The following FRRS1 variants were observed in gnomAD, a reference collection of about 807,000 sequenced individuals.
FRRS1 encodes the protein ferric chelate reductase 1.
A neutral mutation model predicts 70.7 loss-of-function variants in FRRS1; 51 were observed. The ratio of observed to expected loss-of-function variants is 0.72; its 90% CI spans 0.58 to 0.91. The LOEUF (loss-of-function observed/expected upper bound fraction) is 0.91. FRRS1 is among the 40% of genes least tolerant of loss of function. FRRS1 has a pLI of 0.00. For synonymous variants in FRRS1, 225 were observed against 238.7 expected, an observed-to-expected ratio of 0.94 and a Z score of 0.53; for missense variants, 672 against 726.0, an observed-to-expected ratio of 0.93 and a Z score of 0.86.
At chr1:99,730,660 G>A (rs1404913056) in intron 7 of FRRS1, among the ~76,000 whole-genome samples, 1 of 152,148 alleles carries the variant, frequency 6.6e-6, no homozygotes, top group Non-Finnish European at 1.5e-5. Context: ...GAGGTCAGGA[G>A]ATCCAGACCA....
rs1656435458 is a variant in FRRS1, at chr1:99,749,005, A to AAGTGTAATAAGG, written c.-105-5_-105-4insCCTTATTACACT. On this transcript the variant is annotated splice_polypyrimidine_tract_variant and splice_region_variant and intron_variant, in intron 1 of 16. Transcript: ENST00000646001. ...ATTTAATCCTCCACTTCCTTACCTG[A>AAGTGTAATAAGG]AAAATAAGGAAACAAAGATCTCTTT... 5 of 356,994 alleles carry AAGTGTAATAAGG rather than the reference A, an allele frequency of 1.4e-5. No homozygotes were observed. Among genetic ancestry groups the AAGTGTAATAAGG allele is most frequent in the Non-Finnish European group, 2.5e-5 (5 of 199,620 alleles). The allele number at this position is 356,994 out of a possible 1,614,324, so 22.1% of individuals were successfully genotyped here.
Position 99,708,220 on chromosome 1 carries a change from TTCTAAATAA to T in FRRS1, c.*799_*807del, listed in dbSNP as rs1654084314. Among the ~76,000 whole-genome samples the T allele has an allele frequency of 6.6e-6, 1 of 152,212 alleles. No individual in the cohort carries two copies. Among genetic ancestry groups the T allele is most frequent in the African/African-American group, 2.4e-5 (1 of 41,444 alleles). ...CCAAAAAACTAAACTGAAAAACAGT[TTCTAAATAA>T]AGTCCACAGACCATTCAGATAAACT... is the stretch of plus-strand genomic sequence containing the variant. On this transcript the variant is annotated 3_prime_UTR_variant, in exon 17 of 17. Transcript: ENST00000646001.
chr1:99,716,962 CA>C (rs1245055793), intron 11 of FRRS1, among the ~76,000 whole-genome samples: 1 of 152,188 alleles, frequency 6.6e-6, no homozygotes, highest in Non-Finnish European at 1.5e-5. Context: ...GTTAATCTAA[CA>C]TTCAATGGCC....
chr1:99,760,781 C>G (rs1485991720), intron 1 of FRRS1, among the ~76,000 whole-genome samples: 1 of 152,104 alleles, frequency 6.6e-6, no homozygotes, highest in Non-Finnish European at 1.5e-5. Context: ...TCCCAAGTAG[C>G]TGGGATTACA....
Position 99,738,282 on chromosome 1 carries a change from A to T in FRRS1, c.577-14T>A, listed in dbSNP as rs753444005. 9 of 1,555,746 alleles carry T rather than the reference A, an allele frequency of 5.8e-6. No homozygotes were observed. In the East Asian group the frequency reaches 2.1e-4, roughly 36 times the overall value. ...TGAGGCACTGAACTAGAAAAATGAC[A>T]GAGGAAAAAAAAATCTTAATTATCA... is the stretch of plus-strand genomic sequence containing the variant. On this transcript the variant is annotated splice_polypyrimidine_tract_variant and intron_variant, in intron 6 of 16. Transcript: ENST00000646001.
intron 10 of FRRS1, among the ~76,000 whole-genome samples, chr1:99,719,273 G>A (rs1654684723): frequency 6.6e-6 from 1 of 152,074 alleles, no homozygotes; most frequent in Non-Finnish European, 1.5e-5. Flanking sequence ...GCTGGGTGCA[G>A]TGGCAGGCTC....
intron 9 of FRRS1, among the ~76,000 whole-genome samples, chr1:99,720,638 C>T (rs1654767209): frequency 6.6e-6 from 1 of 151,806 alleles, no homozygotes; most frequent in South Asian, 2.1e-4. Context: ...CATTGAAAAG[C>T]TAGGGGGAAA....
intron 9 of FRRS1, among the ~76,000 whole-genome samples, chr1:99,723,817 G>A (rs1654951759): frequency 6.6e-6 from 1 of 152,134 alleles, no homozygotes; most frequent in Non-Finnish European, 1.5e-5. Context: ...AGGACACCTG[G>A]TTACTCATCC....
chr1:99,739,063 G>C (rs1253055264), intron 6 of FRRS1, among the ~76,000 whole-genome samples: 1 of 152,170 alleles, frequency 6.6e-6, no homozygotes, highest in East Asian at 1.9e-4. Context: ...ATACTAGGGT[G>C]AAGAGAACAA....
Position 99,707,344 on chromosome 1 carries a change from G to A in FRRS1, c.*1684C>T, listed in dbSNP as rs1168142592. Reference sequence around the variant, plus strand: ...CACACCATATAGAAATTAGGTTCTCGGGCCAAGCAGAAACTATAACATAAT... The same window carrying A: ...CACACCATATAGAAATTAGGTTCTCAGGCCAAGCAGAAACTATAACATAAT... On this transcript the variant is annotated 3_prime_UTR_variant, in exon 17 of 17. Coordinates refer to ENST00000646001, the MANE Select transcript of FRRS1 (RefSeq NM_001361041.2). Among the ~76,000 whole-genome samples the A allele has an allele frequency of 6.6e-6, 1 of 151,768 alleles. No individual in the cohort carries two copies. Among genetic ancestry groups the A allele is most frequent in the East Asian group, 1.9e-4 (1 of 5,192 alleles).
Position 99,708,625 on chromosome 1 carries a change from A to ATATAT in FRRS1, c.*402_*403insATATA, listed in dbSNP as rs60282767. ...AAAAAAAAAAAAAAAAAAAAAAAAAAATATATATATATATATATATATATA... is the reference window on the plus strand; with the variant it reads ...AAAAAAAAAAAAAAAAAAAAAAAAAATATATATATATATATATATATATATATATA... On this transcript the variant is annotated 3_prime_UTR_variant, in exon 17 of 17. Transcript: ENST00000646001. The ATATAT allele has an allele frequency of 1.9e-5, 1 of 52,734 alleles. No individual in the cohort carries two copies. The highest frequency in any genetic ancestry group is 3.1e-5 in the Non-Finnish European group (1 of 32,524). 3.3% of individuals were successfully genotyped at this position (52,734 alleles called of 1,614,324 possible). A position where few individuals can be genotyped will look rare whatever the true frequency, so the allele number is the denominator to read the frequency against.
At chr1:99,712,344 T>A in intron 13 of FRRS1, 74 bp downstream of exon 13, 1 of 1,181,270 alleles carries the variant, frequency 8.5e-7, no homozygotes, top group South Asian at 1.4e-5. Flanking sequence ...AATTTTTCCA[T>A]TTGAAAACAG....
intron 8 of FRRS1, 108 bp from the exon 9 acceptor site, chr1:99,728,748 T>A (rs986455920): frequency 1.2e-5 from 10 of 855,554 alleles, no homozygotes; most frequent in Non-Finnish European, 1.8e-5. Context: ...AGATCGTATG[T>A]CCATGCTTTG....
chr1:99,716,930 G>A (rs967883507), intron 11 of FRRS1, among the ~76,000 whole-genome samples: 1 of 152,188 alleles, frequency 6.6e-6, no homozygotes, highest in Non-Finnish European at 1.5e-5. Context: ...CCATACAGGA[G>A]ATAGATGATC....
At chr1:99,715,790 A>G in intron 11 of FRRS1, 118 bp from the exon 12 acceptor site, 1 of 637,712 alleles carries the variant, frequency 1.6e-6, no homozygotes, top group East Asian at 2.7e-5. Context: ...CATGCATTCA[A>G]CTGACATCTA....
intron 1 of FRRS1, among the ~76,000 whole-genome samples, chr1:99,758,848 G>C (rs34392259): frequency 2.6e-5 from 4 of 151,468 alleles, no homozygotes; most frequent in Admixed American, 6.6e-5. Flanking sequence ...ATGCACTCCT[G>C]GGGGGAGGCC....
rs146515007 is a variant in FRRS1 at position 99,718,047 on chromosome 1, C to T, written c.1121-522G>A. 1.7e-3 allele frequency among the ~76,000 whole-genome samples: 266 copies of T among 152,308 alleles called. 1 individual carries two copies. Among genetic ancestry groups the T allele is most frequent in the African/African-American group, 6.2e-3 (256 of 41,560 alleles). On this transcript the variant is annotated intron_variant, in intron 10 of 16. Transcript: ENST00000646001. ...AATTACTACCAAACTGGAGCTACAA[C>T]ATGAGTAGAAGTAAATCAACAACAA... is the stretch of plus-strand genomic sequence containing the variant.
At chr1:99,757,106 G>C (rs768167947) in intron 1 of FRRS1, among the ~76,000 whole-genome samples, 1 of 150,394 alleles carries the variant, frequency 6.6e-6, no homozygotes, top group Non-Finnish European at 1.5e-5. Flanking sequence ...AATATATAGT[G>C]GTTTTAATTT....
At chr1:99,723,014 C>T (rs975309375) in intron 9 of FRRS1, among the ~76,000 whole-genome samples, 22 of 152,066 alleles carry the variant, frequency 1.4e-4, no homozygotes, top group African/African-American at 3.4e-4. Context: ...ATTTAGAAAA[C>T]GTATGAAAAA....
Sources: allele counts gnomAD v4.1 joint callset (sites outside exome capture counted in the v4.1 genomes callset), GRCh38; gene constraint gnomAD v4.1.1; transcripts MANE v1.5; gene names NCBI Gene and HGNC (gene_info 2026-07-23, HGNC 2026-07-21).